The following ADGRV1 variants were observed in gnomAD, a reference collection of about 807,000 sequenced individuals.
ADGRV1 encodes the protein G-protein coupled receptor 98.
ADGRV1 carries 359 observed loss-of-function variants against 596.2 expected under a neutral mutation model. The observed-to-expected ratio is 0.60, with a 90% CI of 0.55 to 0.66. The LOEUF (loss-of-function observed/expected upper bound fraction) is 0.66, where lower values mean the gene tolerates loss of function less well. Among genes scored for constraint, ADGRV1 ranks in the 30% least tolerant of loss-of-function variants. ADGRV1 has a pLI of 0.00. For missense variants in ADGRV1, 7,274 were observed against 7,575.6 expected (o/e 0.96, Z 1.48); for synonymous variants, 2,681 against 2,679.2 (o/e 1.00, Z -0.02).
intron 11 of ADGRV1, among the ~76,000 whole-genome samples, chr5:90,640,336 A>G (rs979101380): frequency 6.6e-6 from 1 of 152,226 alleles, no homozygotes; most frequent in Non-Finnish European, 1.5e-5. Flanking sequence ...TTCCTGTGCA[A>G]ATGATATAGG....
rs55927110 is a variant in ADGRV1, at chr5:90,726,653, ATGTGTG to A, written c.10161+1022_10161+1027del. On this transcript the variant is annotated intron_variant, in intron 48 of 89. Transcript: ENST00000405460. ...TCCTTTTCCCTTTCTCTCTCTGGGT[ATGTGTG>A]TGTGTGTGTGTGTGTGTGTGTGTGA... is the stretch of plus-strand genomic sequence containing the variant. 1.9e-3 allele frequency among the ~76,000 whole-genome samples: 274 copies of A among 147,688 alleles called. 5 individuals carry two copies. The East Asian group carries it at 0.04, about 22-fold the overall frequency.
chr5:91,127,474 G>A (rs189819804), intron 87 of ADGRV1, among the ~76,000 whole-genome samples: 1 of 147,726 alleles, frequency 6.8e-6, no homozygotes, highest in Non-Finnish European at 1.5e-5. Context: ...GTAATTCAAG[G>A]CTACAGTTAG....
intron 85 of ADGRV1, among the ~76,000 whole-genome samples, chr5:91,023,343 A>C (rs1783791644): frequency 6.6e-6 from 1 of 152,162 alleles, no homozygotes; most frequent in Non-Finnish European, 1.5e-5. Flanking sequence ...ACCAGAGCCC[A>C]GGTGAAAAGC....
rs376150952 is a variant in ADGRV1 at position 90,627,368 on chromosome 5, A to T, written c.830A>T (p.His277Leu). The T allele has an allele frequency of 3.2e-5, 52 of 1,613,848 alleles. No individual in the cohort carries two copies. The highest frequency in any genetic ancestry group is 4.3e-5 in the Non-Finnish European group (51 of 1,179,858). Residue 277 changes from histidine (H) to leucine (L), a missense_variant, in exon 7 of 90, where the codon CAC (histidine) becomes CTC (leucine). By Grantham distance (99) the His-to-Leu change is moderately conservative. This residue lies in a region of ADGRV1 where 1,715 missense variants were observed against 1,708.8 expected (regional missense o/e 1.00). Coordinates refer to ENST00000405460, the MANE Select transcript of ADGRV1 (RefSeq NM_032119.4). ...QSIYLVPEED[H>L]ILIIPVVRGK... is the part of the protein sequence containing the mutation. ...ATTTATTTGGTTCCTGAGGAAGACC[A>T]CATACTCATAATTCCAGTAGTTCGT...
chr5:91,060,478 C>T (rs1477505465), intron 85 of ADGRV1, among the ~76,000 whole-genome samples: 1 of 151,814 alleles, frequency 6.6e-6, no homozygotes, highest in Non-Finnish European at 1.5e-5. Flanking sequence ...AATCCCCCAA[C>T]CTCAGCCTCC....
In ADGRV1 at chr5:90,627,201, C is replaced by T. The variant is rs774133545; in HGVS notation, c.673-10C>T. 4 of 1,478,932 alleles carry T rather than the reference C, an allele frequency of 2.7e-6. No individual in the cohort carries two copies. Among genetic ancestry groups the T allele is most frequent in the South Asian group, 2.9e-5 (2 of 69,756 alleles). 91.6% of individuals were successfully genotyped at this position (1,478,932 alleles called of 1,614,324 possible). On this transcript the variant is annotated splice_polypyrimidine_tract_variant and intron_variant, in intron 6 of 89. Transcript: ENST00000405460. Reference sequence around the variant, plus strand: ...TTGATGTTTTGCCTCTGTTTATATTCCTTTAACAGGTACCAGAAAATGATG... The same window carrying T: ...TTGATGTTTTGCCTCTGTTTATATTTCTTTAACAGGTACCAGAAAATGATG...
chr5:90,990,082 C>T (rs10474338), intron 85 of ADGRV1, among the ~76,000 whole-genome samples: 28,836 of 152,040 alleles, frequency 0.19, 2,937 homozygotes, highest in East Asian at 0.36. Context: ...CCTCCCAAAG[C>T]GCTGGGATTA....
In ADGRV1 at chr5:90,922,764, A is replaced by G. The variant is rs143507188; in HGVS notation, c.17857-42651A>G. 6.0e-3 allele frequency among the ~76,000 whole-genome samples: 915 copies of G among 152,340 alleles called. 3 individuals are homozygous for G. Among genetic ancestry groups the G allele is most frequent in the Middle Eastern group, 0.01 (3 of 294 alleles). Reference sequence around the variant, plus strand: ...TGCTGGACCCAACCTGACCTACTGAATTAGCATCTGCATTTGTAACTAGTT... The same window carrying G: ...TGCTGGACCCAACCTGACCTACTGAGTTAGCATCTGCATTTGTAACTAGTT... On this transcript the variant is annotated intron_variant, in intron 83 of 89. Transcript: ENST00000405460.
At position 90,711,136 on chromosome 5, in the gene ADGRV1, G is replaced by A. The variant is rs532300025; in HGVS notation, c.8904-48G>A. The stretch of plus-strand genomic sequence containing the variant: ...ATCTACCAAATAAAAGTTTCTAAGG[G>A]AAAAATTAATTTTTTTTGTTTGTTT... On this transcript the variant is annotated intron_variant, in intron 40 of 89. Coordinates refer to ENST00000405460, the MANE Select transcript of ADGRV1 (RefSeq NM_032119.4). 168 of 1,583,164 alleles carry A rather than the reference G, an allele frequency of 1.1e-4. No individual in the cohort carries two copies. In the South Asian group the frequency reaches 1.8e-3, roughly 17 times the overall value.
chr5:90,865,551 GTA>G (rs1768012632), intron 83 of ADGRV1, among the ~76,000 whole-genome samples: 1 of 152,036 alleles, frequency 6.6e-6, no homozygotes, highest in South Asian at 2.1e-4. Context: ...ATGTTTTTCA[GTA>G]TATTTTTAGA....
At chr5:90,928,625 C>T (rs1774797838) in intron 83 of ADGRV1, among the ~76,000 whole-genome samples, 1 of 150,634 alleles carries the variant, frequency 6.6e-6, no homozygotes. Flanking sequence ...GCCTTCTTCT[C>T]TCAGCTCGTG....
intron 21 of ADGRV1, among the ~76,000 whole-genome samples, chr5:90,662,836 C>T (rs1770597548): frequency 6.6e-6 from 1 of 151,966 alleles, no homozygotes; most frequent in Non-Finnish European, 1.5e-5. Flanking sequence ...TGTTCAGTTC[C>T]CACCTATGAG....
At chr5:90,606,093 G>A (rs750795722) in intron 1 of ADGRV1, among the ~76,000 whole-genome samples, 16 of 152,276 alleles carry the variant, frequency 1.1e-4, no homozygotes, top group South Asian at 6.2e-4. Context: ...ATCATTAAAA[G>A]CATAGTCCAC....
At chr5:90,565,161 C>A (rs991119176) in intron 1 of ADGRV1, among the ~76,000 whole-genome samples, 6 of 152,030 alleles carry the variant, frequency 3.9e-5, no homozygotes, top group Non-Finnish European at 8.8e-5. Context: ...CGTTTGAACG[C>A]GGGAGACAGA....
chr5:90,610,480 G>C (rs1227401772), intron 1 of ADGRV1, among the ~76,000 whole-genome samples: 2 of 151,954 alleles, frequency 1.3e-5, no homozygotes, highest in Non-Finnish European at 2.9e-5. Flanking sequence ...CTATTCTGAA[G>C]ACATCCTTAG....
Position 90,684,122 on chromosome 5 carries a change from G to C in ADGRV1, c.6201G>C (p.Glu2067Asp). 6.2e-7 allele frequency: 1 copy of C among 1,613,816 alleles called. No individual in the cohort carries two copies. The highest frequency in any genetic ancestry group is 8.5e-7 in the Non-Finnish European group (1 of 1,179,810). ...CTATTTCAATTTTGGATGATGATGA[G>C]CCAGAAAGGTCCGAATCTGTCTTTA... ...TIAISILDDD[E>D]PERSESVFIE... Residue 2067 changes from glutamate to aspartate, a missense_variant, in exon 28 of 90, where the codon GAG (glutamate) becomes GAC (aspartate). Around this residue, in one of 5 missense-constraint regions of ADGRV1, gnomAD observed 3,643 missense variants for 3,809.2 expected, o/e 0.96. Transcript: ENST00000405460.
chr5:90,902,389 T>G (rs1771929602), intron 83 of ADGRV1, among the ~76,000 whole-genome samples: 1 of 152,158 alleles, frequency 6.6e-6, no homozygotes, highest in Non-Finnish European at 1.5e-5. Flanking sequence ...GACCAGACTA[T>G]TTCCACATAG....
At chr5:90,559,097 G>C (rs1029556456) in intron 1 of ADGRV1, among the ~76,000 whole-genome samples, 180 bp downstream of exon 1, 1 of 152,120 alleles carries the variant, frequency 6.6e-6, no homozygotes, top group Non-Finnish European at 1.5e-5. Context: ...GGGCATAGCT[G>C]CCCGCGTCGG....
At chr5:90,620,113 C>T (rs1323360163) in intron 4 of ADGRV1, among the ~76,000 whole-genome samples, 2 of 151,994 alleles carry the variant, frequency 1.3e-5, no homozygotes. Context: ...TGGGTATATA[C>T]CCAGTAATGG....
Sources: gnomAD v4.1 joint callset for allele counts (sites outside exome capture counted in the v4.1 genomes callset) on GRCh38, gnomAD v4.1.1 for gene constraint, gnomAD v4.1.1 regional missense constraint, MANE v1.5 for transcripts, NCBI Gene and HGNC (gene_info 2026-07-23, HGNC 2026-07-21) for gene names.